NAALADL2: variants seen among roughly 807,000 people sequenced by gnomAD.
The protein encoded by NAALADL2 is N-acetylated alpha-linked acidic dipeptidase like 2, also known as inactive N-acetylated-alpha-linked acidic dipeptidase-like protein 2.
A neutral mutation model predicts 87.2 loss-of-function variants in NAALADL2; 76 were observed. The ratio of observed to expected loss-of-function variants is 0.87; its 90% CI spans 0.72 to 1.05. The LOEUF (loss-of-function observed/expected upper bound fraction) is 1.05. Among genes scored for constraint, NAALADL2 ranks in the 50% least tolerant of loss-of-function variants. The pLI is 0.00. For missense variants in NAALADL2, 1,089 were observed against 945.8 expected (o/e 1.15, Z -1.99); for synonymous variants, 354 against 331.0 (o/e 1.07, Z -0.75).
intron 9 of NAALADL2, among the ~76,000 whole-genome samples, chr3:175,491,184 G>T (rs1403637747): frequency 2.4e-5 from 1 of 42,014 alleles, no homozygotes; most frequent in African/African-American, 4.5e-5. Flanking sequence ...CTATAAAATA[G>T]TATTTTATTG....
intron 10 of NAALADL2, among the ~76,000 whole-genome samples, chr3:175,603,447 T>C (rs1037154004): frequency 6.6e-6 from 1 of 152,198 alleles, no homozygotes; most frequent in Non-Finnish European, 1.5e-5. Flanking sequence ...ACTGAAATTC[T>C]ATACCCAGTA....
intron 5 of NAALADL2, among the ~76,000 whole-genome samples, chr3:175,360,504 T>C (rs1764865300): frequency 6.6e-6 from 1 of 152,064 alleles, no homozygotes; most frequent in African/African-American, 2.4e-5. Context: ...TGTTGGTGTC[T>C]TCATTTTGGA....
intron 4 of NAALADL2, among the ~76,000 whole-genome samples, chr3:175,288,150 C>T (rs1457532519): frequency 1.3e-5 from 2 of 152,078 alleles, no homozygotes; most frequent in Non-Finnish European, 2.9e-5. Flanking sequence ...GGCGCAATCT[C>T]AGCTCACTGC....
At chr3:175,357,539 C>T (rs1168043794) in intron 5 of NAALADL2, among the ~76,000 whole-genome samples, 3 of 152,108 alleles carry the variant, frequency 2.0e-5, no homozygotes, top group Non-Finnish European at 4.4e-5. Context: ...TATTTGGTAT[C>T]ATATTTTGAT....
chr3:175,774,355 T>A (rs966368189), intron 13 of NAALADL2, among the ~76,000 whole-genome samples: 1 of 152,094 alleles, frequency 6.6e-6, no homozygotes, highest in Non-Finnish European at 1.5e-5. Flanking sequence ...ATATGAATGT[T>A]AAGAAATACA....
rs1728504021 is a variant in NAALADL2 at position 175,636,186 on chromosome 3, G to GA, written c.1896+8804dup. 2.0e-5 allele frequency among the ~76,000 whole-genome samples: 3 copies of GA among 148,296 alleles called. No individual in the cohort carries two copies. In the South Asian group the frequency reaches 6.3e-4, roughly 31 times the overall value. ...TAATCAATCTTAGTATTGATCCTCG[G>GA]AAAATCCTAAATTGTGTGTGTGTGT... On this transcript the variant is annotated intron_variant, in intron 11 of 13. Coordinates refer to ENST00000454872, the MANE Select transcript of NAALADL2 (RefSeq NM_207015.3).
At chr3:174,598,911 G>A (rs367869168) in intron 2 of NAALADL2, among the ~76,000 whole-genome samples, 1 of 152,032 alleles carries the variant, frequency 6.6e-6, no homozygotes, top group African/African-American at 2.4e-5. Flanking sequence ...ATTGTCATAC[G>A]TCTGTGGCAG....
intron 1 of NAALADL2, among the ~76,000 whole-genome samples, chr3:174,498,850 A>G (rs181642203): frequency 4.8e-4 from 73 of 152,032 alleles, no homozygotes; most frequent in African/African-American, 1.6e-3. Context: ...GATGTCGAAC[A>G]TGTTTACATT....
chr3:175,274,016 A>G (rs1448493998), intron 4 of NAALADL2, among the ~76,000 whole-genome samples: 1 of 152,206 alleles, frequency 6.6e-6, no homozygotes. Flanking sequence ...ACAAAATATG[A>G]ATAATAGCAT....
chr3:175,465,040 A>G (rs6803705), intron 7 of NAALADL2, among the ~76,000 whole-genome samples: 114,690 of 152,012 alleles, frequency 0.75, 43,679 homozygotes, highest in African/African-American at 0.83. Flanking sequence ...ATTCTTCAGT[A>G]TATGATATGC....
chr3:174,580,035 T>A (rs1715984082), intron 2 of NAALADL2, among the ~76,000 whole-genome samples: 1 of 152,092 alleles, frequency 6.6e-6, no homozygotes, highest in South Asian at 2.1e-4. Flanking sequence ...CTTTAAACTT[T>A]AAAATTATTG....
At chr3:174,633,235 AC>A (rs1722322342) in intron 2 of NAALADL2, among the ~76,000 whole-genome samples, 1 of 152,176 alleles carries the variant, frequency 6.6e-6, no homozygotes, top group Non-Finnish European at 1.5e-5. Flanking sequence ...TGTTTCAGAT[AC>A]ATTTATGTTT....
chr3:174,944,645 G>C (rs772258387), intron 1 of NAALADL2, among the ~76,000 whole-genome samples: 2 of 152,146 alleles, frequency 1.3e-5, no homozygotes, highest in Admixed American at 6.5e-5. Context: ...AGCCTAGGAA[G>C]CTCAGGTATC....
At chr3:174,461,217 C>T (rs1716194372) in intron 1 of NAALADL2, among the ~76,000 whole-genome samples, 1 of 151,986 alleles carries the variant, frequency 6.6e-6, no homozygotes, top group Admixed American at 6.6e-5. Context: ...GAGTTGTATG[C>T]AAAATGAATG....
intron 3 of NAALADL2, among the ~76,000 whole-genome samples, chr3:174,833,648 A>G (rs1044596362): frequency 2.6e-5 from 4 of 152,138 alleles, no homozygotes; most frequent in Admixed American, 2.6e-4. Context: ...CTGAACATAC[A>G]TATCATTAAC....
intron 11 of NAALADL2, among the ~76,000 whole-genome samples, chr3:175,657,340 G>A (rs1187517807): frequency 6.6e-6 from 1 of 151,864 alleles, no homozygotes; most frequent in Non-Finnish European, 1.5e-5. Context: ...TCCACTATAG[G>A]CCTCCAAATA....
In NAALADL2 at chr3:175,425,123, T is replaced by C. The variant is rs564427514; in HGVS notation, c.1091-22106T>C. 3.3e-5 allele frequency among the ~76,000 whole-genome samples: 5 copies of C among 152,312 alleles called. No homozygotes were observed. In the South Asian group the frequency reaches 8.3e-4, roughly 25 times the overall value. The stretch of plus-strand genomic sequence containing the variant: ...CAGATCAAATGATGATATGGAATTT[T>C]CTGCCTTAGACTTCTGCTAAGAGCA... On this transcript the variant is annotated intron_variant, in intron 5 of 13. Transcript: ENST00000454872.
At chr3:174,455,126 C>T (rs1311231089) in intron 1 of NAALADL2, among the ~76,000 whole-genome samples, 1 of 151,934 alleles carries the variant, frequency 6.6e-6, no homozygotes, top group Non-Finnish European at 1.5e-5. Context: ...ACTAAAAAAT[C>T]CAGAAGAAAT....
Position 175,374,517 on chromosome 3 carries a change from C to T in NAALADL2, c.1090+50192C>T, listed in dbSNP as rs1008146139. ...TGCAGTGAACTGAGATCATTCCAGT[C>T]TGGTTGACAGAGTGCTGAGTACCAC... On this transcript the variant is annotated intron_variant, in intron 5 of 13. Transcript: ENST00000454872. 3.5e-5 allele frequency among the ~76,000 whole-genome samples: 4 copies of T among 115,230 alleles called. No homozygotes were observed. In the Admixed American group the frequency reaches 5.3e-4, roughly 15 times the overall value. The allele number at this position is 115,230 out of a possible 152,430, so 75.6% of individuals were successfully genotyped here.
Sources: gnomAD v4.1 joint callset for allele counts (sites outside exome capture counted in the v4.1 genomes callset) on GRCh38, gnomAD v4.1.1 for gene constraint, MANE v1.5 for transcripts, NCBI Gene and HGNC (gene_info 2026-07-23, HGNC 2026-07-21) for gene names.